FOCAD: variants seen among roughly 807,000 people sequenced by gnomAD.
FOCAD encodes the protein KIAA1797.
A neutral mutation model predicts 225.6 loss-of-function variants in FOCAD; 198 were observed. The observed-to-expected ratio is 0.88, with a 90% CI of 0.78 to 0.99. FOCAD has a LOEUF of 0.99. Among genes scored for constraint, FOCAD ranks in the 50% least tolerant of loss-of-function variants. The pLI, the probability that FOCAD is intolerant of heterozygous loss-of-function variation, is 0.00. For missense variants in FOCAD, 2,713 were observed against 2,123.6 expected, an observed-to-expected ratio of 1.28 and a Z score of -5.46; for synonymous variants, 897 against 755.0, an observed-to-expected ratio of 1.19 and a Z score of -3.08.
chr9:20,942,171 G>A (rs1419990720), intron 28 of FOCAD, among the ~76,000 whole-genome samples: 1 of 152,190 alleles, frequency 6.6e-6, no homozygotes, highest in East Asian at 1.9e-4. Context: ...TGCCGCTGTA[G>A]CAATGAATAG....
chr9:20,656,079 G>A (rs542974485), upstream of FOCAD, among the ~76,000 whole-genome samples: 1 of 150,826 alleles, frequency 6.6e-6, no homozygotes, highest in South Asian at 2.1e-4. Context: ...CCATGTAGTT[G>A]AGCGGTTTTG....
At chr9:20,789,217 G>A (rs2131175430) in intron 10 of FOCAD, 134 bp from the exon 11 acceptor site, 1 of 955,004 alleles carries the variant, frequency 1.0e-6, no homozygotes, top group Non-Finnish European at 1.6e-6. Flanking sequence ...AGAGGATTTT[G>A]GCAGTAATTC....
At chr9:20,963,940 G>C (rs1286006788) in intron 35 of FOCAD, among the ~76,000 whole-genome samples, 1 of 152,146 alleles carries the variant, frequency 6.6e-6, no homozygotes, top group Non-Finnish European at 1.5e-5. Context: ...GACCTATTCT[G>C]TCTTGTTCAA....
intron 7 of FOCAD, among the ~76,000 whole-genome samples, chr9:20,769,831 A>G (rs1338467477): frequency 2.0e-5 from 3 of 152,326 alleles, no homozygotes; most frequent in African/African-American, 7.2e-5. Context: ...AACAGTAGCA[A>G]ATTGGATTTT....
At chr9:20,704,648 C>T (rs1007583993) in intron 1 of FOCAD, among the ~76,000 whole-genome samples, 1 of 152,152 alleles carries the variant, frequency 6.6e-6, no homozygotes, top group Non-Finnish European at 1.5e-5. Context: ...GGCCCCTTTT[C>T]AATATTACTC....
chr9:20,944,916 A>G (rs1837035212), intron 29 of FOCAD, 142 bp downstream of exon 29: 2 of 904,100 alleles, frequency 2.2e-6, no homozygotes, highest in Non-Finnish European at 3.2e-6. Flanking sequence ...AACAACCAAT[A>G]TTAGATCATA....
chr9:20,804,038 T>G (rs1309118209), intron 11 of FOCAD, among the ~76,000 whole-genome samples: 1 of 152,088 alleles, frequency 6.6e-6, no homozygotes, highest in African/African-American at 2.4e-5. Context: ...CAGTGGGCAT[T>G]GATTGATAAT....
chr9:20,813,979 C>A (rs911993010), intron 11 of FOCAD, among the ~76,000 whole-genome samples: 2 of 152,022 alleles, frequency 1.3e-5, no homozygotes, highest in Non-Finnish European at 2.9e-5. Context: ...ATATAATGTC[C>A]TTCTTTCTCT....
chr9:20,944,580 T>G lies in FOCAD; in HGVS notation c.3408-47T>G. 4 of 1,585,380 alleles carry G rather than the reference T, an allele frequency of 2.5e-6. No homozygotes were observed. The South Asian group carries it at 4.6e-5, about 18-fold the overall frequency. ...ACCCGTGGTAAGTGAAGAGCAATTGTGTGGATTTCTTATGATCCTAACATC... is the reference window on the plus strand; with the variant it reads ...ACCCGTGGTAAGTGAAGAGCAATTGGGTGGATTTCTTATGATCCTAACATC... On this transcript the variant is annotated intron_variant, in intron 28 of 43. Transcript: ENST00000338382.
intron 35 of FOCAD, among the ~76,000 whole-genome samples, chr9:20,954,497 A>C (rs1255697780): frequency 6.6e-6 from 1 of 152,216 alleles, no homozygotes; most frequent in African/African-American, 2.4e-5. Flanking sequence ...CTAGTGAATA[A>C]AATGTTAGTC....
intron 15 of FOCAD, among the ~76,000 whole-genome samples, chr9:20,830,436 GA>G (rs1825369023): frequency 6.6e-6 from 1 of 151,830 alleles, no homozygotes; most frequent in Non-Finnish European, 1.5e-5. Context: ...TTTGGGTAAT[GA>G]AAAAAAGTAG....
At chr9:20,690,155 C>G (rs1223467850) in intron 1 of FOCAD, among the ~76,000 whole-genome samples, 1 of 152,176 alleles carries the variant, frequency 6.6e-6, no homozygotes, top group African/African-American at 2.4e-5. Context: ...CTGCATTTAC[C>G]TAAGATTGCC....
chr9:20,887,376 A>G (rs1234452916), intron 21 of FOCAD, among the ~76,000 whole-genome samples: 3 of 152,040 alleles, frequency 2.0e-5, no homozygotes, highest in Non-Finnish European at 4.4e-5. Flanking sequence ...CTGGGATTAC[A>G]GGCATGCGCC....
chr9:20,828,266 CTCTT>C (rs1465424805), intron 15 of FOCAD, among the ~76,000 whole-genome samples: 1 of 151,988 alleles, frequency 6.6e-6, no homozygotes, highest in Non-Finnish European at 1.5e-5. Context: ...AGTCATTTTA[CTCTT>C]TCTTTGTATT....
At chr9:20,692,712 G>T (rs1344431654) in intron 1 of FOCAD, among the ~76,000 whole-genome samples, 1 of 152,190 alleles carries the variant, frequency 6.6e-6, no homozygotes, top group East Asian at 1.9e-4. Flanking sequence ...TTACGTAGTG[G>T]TGTAATGGAA....
At chr9:20,866,002 A>T in intron 17 of FOCAD, 26 bp downstream of exon 17, 1 of 1,576,604 alleles carries the variant, frequency 6.3e-7, no homozygotes, top group Non-Finnish European at 8.7e-7. Flanking sequence ...TTGTCAGTGA[A>T]TCAGAACAAA....
intron 35 of FOCAD, among the ~76,000 whole-genome samples, chr9:20,961,271 T>C (rs990089105): frequency 2.0e-5 from 3 of 152,080 alleles, no homozygotes; most frequent in Non-Finnish European, 4.4e-5. Flanking sequence ...TATTCAGTTA[T>C]CTATTATTTT....
chr9:20,734,457 A>G (rs549319105), intron 4 of FOCAD, among the ~76,000 whole-genome samples: 1 of 152,324 alleles, frequency 6.6e-6, no homozygotes, highest in East Asian at 1.9e-4. Flanking sequence ...TTTGTTTTTA[A>G]ACTTGCATTT....
chr9:20,732,134 C>G (rs905398615), intron 4 of FOCAD, among the ~76,000 whole-genome samples: 5 of 152,056 alleles, frequency 3.3e-5, no homozygotes, highest in African/African-American at 1.2e-4. Context: ...TATTTCTGTG[C>G]TAGGTGCTGT....
Sources: allele counts gnomAD v4.1 joint callset (sites outside exome capture counted in the v4.1 genomes callset), GRCh38; gene constraint gnomAD v4.1.1; transcripts MANE v1.5; gene names NCBI Gene and HGNC (gene_info 2026-07-23, HGNC 2026-07-21).